The following CACNG4 variants were observed in gnomAD, a reference collection of about 807,000 sequenced individuals.
CACNG4 encodes calcium voltage-gated channel auxiliary subunit gamma 4, also known as voltage-dependent calcium channel gamma-4 subunit.
A neutral mutation model predicts 22.9 loss-of-function variants in CACNG4; 8 were observed. The observed-to-expected ratio is 0.35, with a 90% CI of 0.21 to 0.63. The LOEUF (loss-of-function observed/expected upper bound fraction) is 0.63, where lower values mean the gene tolerates loss of function less well. Ranked by LOEUF, CACNG4 falls within the 30% of genes least tolerant of loss-of-function variation. The probability of loss-of-function intolerance (pLI) is 0.72; values close to 1 mark genes in which losing one functional copy is unlikely to be tolerated. For missense variants in CACNG4, 357 were observed against 455.4 expected (o/e 0.78, Z 1.97); for synonymous variants, 188 against 191.9 (o/e 0.98, Z 0.17).
chr17:67,030,878 G>A lies in CACNG4; in HGVS notation c.858G>A (p.Val286=), dbSNP rs1042794104. 5 of 1,612,722 alleles carry A rather than the reference G, an allele frequency of 3.1e-6. No individual in the cohort carries two copies. Among genetic ancestry groups the A allele is most frequent in the Non-Finnish European group, 4.2e-6 (5 of 1,180,022 alleles). The change falls in exon 4 of 4, where the codon GTG becomes GTA. Residue 286 remains valine, a synonymous_variant. Coordinates refer to ENST00000262138, the MANE Select transcript of CACNG4 (RefSeq NM_014405.4). The surrounding 1 kb of genome is among the most constrained non-coding windows in gnomAD (Gnocchi z 6.4). ...MYTLSREPLK[V]TTAASYSPDQ... is the part of the protein sequence containing the mutation. ...CGCTGTCCAGGGAGCCCCTCAAGGT[G>A]ACCACCGCAGCCAGCTACAGCCCCG... is the stretch of plus-strand genomic sequence containing the variant.
chr17:66,990,647 CTTATT>C (rs59079283), intron 1 of CACNG4, among the ~76,000 whole-genome samples: 8,930 of 148,552 alleles, frequency 0.06, 380 homozygotes, highest in African/African-American at 0.12. Flanking sequence ...TCTAAGTCTC[CTTATT>C]TTATTTTATT....
chr17:66,989,090 A>G (rs1411106425), intron 1 of CACNG4, among the ~76,000 whole-genome samples: 3 of 146,798 alleles, frequency 2.0e-5, no homozygotes, highest in African/African-American at 7.7e-5. Flanking sequence ...AAGGCAAGAG[A>G]GTTAAATGAG....
At position 67,030,669 on chromosome 17, in the gene CACNG4, A is replaced by G; in HGVS notation, c.649A>G (p.Thr217Ala). Residue 217 changes from threonine (T) to alanine (A), a missense_variant, in exon 4 of 4, where the codon ACC becomes GCC. Physicochemically the swap from Thr to Ala is moderately conservative, Grantham distance 58. Transcript: ENST00000262138. This position sits in a 1 kb window ranked among gnomAD's most constrained non-coding sequence, Gnocchi z 6.4. ...GAAAAATAAAGAGTTGAGGTTTAAG[A>G]CCAAACGGGAATTCCTTAAGGCGTC... ...IEKNKELRFK[T>A]KREFLKASSS... 1 of 1,614,152 alleles carries G rather than the reference A, an allele frequency of 6.2e-7. No homozygotes were observed. The highest frequency in any genetic ancestry group is 8.5e-7 in the Non-Finnish European group (1 of 1,180,028).
intron 1 of CACNG4, among the ~76,000 whole-genome samples, chr17:66,970,857 G>A (rs947881064): frequency 6.6e-6 from 1 of 152,202 alleles, no homozygotes; most frequent in Admixed American, 6.5e-5. Flanking sequence ...CAATCATTCA[G>A]GAAGAGGCCC....
chr17:66,986,614 C>A lies in CACNG4; in HGVS notation c.220+21483C>A, dbSNP rs115484160. 1.7e-3 allele frequency among the ~76,000 whole-genome samples: 254 copies of A among 152,294 alleles called. 1 individual carries two copies. Among genetic ancestry groups the A allele is most frequent in the Middle Eastern group, 0.01 (3 of 294 alleles). ...CCAGCTCCAGGGGGAGGGCACAGAT[C>A]GCTTGGAGCAGATGGTACAAGGCTT... On this transcript the variant is annotated intron_variant, in intron 1 of 3. Coordinates refer to ENST00000262138, the MANE Select transcript of CACNG4 (RefSeq NM_014405.4).
At chr17:66,980,225 T>A (rs1211695340) in intron 1 of CACNG4, among the ~76,000 whole-genome samples, 1 of 152,204 alleles carries the variant, frequency 6.6e-6, no homozygotes, top group African/African-American at 2.4e-5. Flanking sequence ...TCAGCACAAT[T>A]TCCACATTGG....
chr17:66,988,055 A>G (rs67371638), intron 1 of CACNG4, among the ~76,000 whole-genome samples: 98,134 of 132,874 alleles, frequency 0.74, 34,637 homozygotes, highest in South Asian at 0.93. Flanking sequence ...GTGTGTGTGT[A>G]TATATATATA....
intron 1 of CACNG4, among the ~76,000 whole-genome samples, chr17:67,002,618 T>TC (rs2035414760): frequency 6.9e-6 from 1 of 145,428 alleles, no homozygotes; most frequent in Admixed American, 6.9e-5. Flanking sequence ...ATCTCTCTCT[T>TC]TCTCTCTCTC....
chr17:66,971,619 C>T (rs1402012632), intron 1 of CACNG4, among the ~76,000 whole-genome samples: 1 of 152,072 alleles, frequency 6.6e-6, no homozygotes, highest in Admixed American at 6.5e-5. Flanking sequence ...CTGGAGGGGG[C>T]CGCTGTTGGC....
chr17:67,012,679 CAG>C (rs1345874537), intron 1 of CACNG4, among the ~76,000 whole-genome samples: 3 of 152,178 alleles, frequency 2.0e-5, no homozygotes, highest in African/African-American at 7.2e-5. Flanking sequence ...TGCGCGAGTG[CAG>C]AGTCGTTCCC....
In CACNG4 at chr17:67,030,492, G is replaced by A. The variant is rs776495231; in HGVS notation, c.472G>A (p.Val158Ile). Residue 158 changes from valine (V) to isoleucine (I), a missense_variant, in exon 4 of 4, where the codon GTC becomes ATC. By Grantham distance (29) the Val-to-Ile change is conservative. This residue lies in a region of CACNG4 where 240 missense variants were observed against 277.6 expected (regional missense o/e 0.86). Coordinates refer to ENST00000262138, the MANE Select transcript of CACNG4 (RefSeq NM_014405.4). The surrounding 1 kb of genome is among the most constrained non-coding windows in gnomAD (Gnocchi z 6.4). ...AGLSNIIGII[V>I]YISSNTGDPS... ...CCTCAGTAACATCATCGGTATCATC[G>A]TCTACATTTCCAGCAACACAGGTGA... 6.4e-5 allele frequency: 103 copies of A among 1,613,858 alleles called. No individual in the cohort carries two copies. Among genetic ancestry groups the A allele is most frequent in the Non-Finnish European group, 8.2e-5 (97 of 1,180,008 alleles).
intron 1 of CACNG4, among the ~76,000 whole-genome samples, chr17:67,014,891 C>T (rs917561850): frequency 2.0e-4 from 30 of 150,172 alleles, no homozygotes; most frequent in African/African-American, 6.2e-4. Flanking sequence ...GAGCCGAGAT[C>T]GCACCACTGC....
chr17:67,031,888 G>A lies in CACNG4; in HGVS notation c.*884G>A, dbSNP rs1317489816. Reference sequence around the variant, plus strand: ...GAGCGTTGGGGGTCCCGGGGGAGAGGTGGACAGACACCTCCCTCCAACTGG... The same window carrying A: ...GAGCGTTGGGGGTCCCGGGGGAGAGATGGACAGACACCTCCCTCCAACTGG... On this transcript the variant is annotated 3_prime_UTR_variant, in exon 4 of 4. Transcript: ENST00000262138. The surrounding 1 kb of genome is among the most constrained non-coding windows in gnomAD (Gnocchi z 4.0). 1 of 456,676 alleles carries A rather than the reference G, an allele frequency of 2.2e-6. No individual in the cohort carries two copies. Among genetic ancestry groups the A allele is most frequent in the East Asian group, 6.9e-5 (1 of 14,398 alleles). The allele number at this position is 456,676 out of a possible 1,614,324, so 28.3% of individuals were successfully genotyped here.
At chr17:67,012,277 CT>C (rs981882952) in intron 1 of CACNG4, among the ~76,000 whole-genome samples, 29 of 152,192 alleles carry the variant, frequency 1.9e-4, no homozygotes, top group Non-Finnish European at 3.4e-4. Context: ...TGCTGTGAGC[CT>C]TGTGGAAGCA....
At chr17:67,001,915 T>A (rs1342015300) in intron 1 of CACNG4, among the ~76,000 whole-genome samples, 2 of 152,196 alleles carry the variant, frequency 1.3e-5, no homozygotes, top group Admixed American at 6.5e-5. Context: ...GTGTGACTGA[T>A]TAGCCCAGGA....
intron 1 of CACNG4, among the ~76,000 whole-genome samples, chr17:67,016,708 G>A (rs1003047156): frequency 3.3e-5 from 5 of 152,300 alleles, no homozygotes; most frequent in Admixed American, 3.3e-4. Context: ...GAGCAGGGGG[G>A]CTGACCCGGG....
chr17:66,995,031 TC>T (rs1383386819), intron 1 of CACNG4, among the ~76,000 whole-genome samples: 1 of 152,140 alleles, frequency 6.6e-6, no homozygotes, highest in African/African-American at 2.4e-5. Flanking sequence ...TTAACAAGTT[TC>T]CCCCCGGGCC....
At position 66,986,352 on chromosome 17, in the gene CACNG4, G is replaced by A. The variant is rs79600070; in HGVS notation, c.220+21221G>A. Among the ~76,000 whole-genome samples, 1,041 of 152,294 alleles carry A rather than the reference G, an allele frequency of 6.8e-3. 6 individuals carry two copies. Among genetic ancestry groups the A allele is most frequent in the African/African-American group, 0.023 (965 of 41,556 alleles). On this transcript the variant is annotated intron_variant, in intron 1 of 3. Coordinates refer to ENST00000262138, the MANE Select transcript of CACNG4 (RefSeq NM_014405.4). The stretch of plus-strand genomic sequence containing the variant: ...TGGCTTCTCCTATGCAGGACGGAGC[G>A]GAGGGAGCAAGGCTAGGGCAGGGGC...
At chr17:67,006,844 C>T (rs562549229) in intron 1 of CACNG4, among the ~76,000 whole-genome samples, 3 of 152,288 alleles carry the variant, frequency 2.0e-5, no homozygotes, top group South Asian at 4.1e-4. Context: ...CAGATTCTAG[C>T]GTGACCACAA....
Sources: allele counts gnomAD v4.1 joint callset (sites outside exome capture counted in the v4.1 genomes callset), GRCh38; gene constraint gnomAD v4.1.1; regional missense constraint gnomAD v4.1.1; non-coding constraint Gnocchi (gnomAD v3.1); transcripts MANE v1.5; gene names NCBI Gene and HGNC (gene_info 2026-07-23, HGNC 2026-07-21).